The following PLCE1 variants were observed in gnomAD, a reference collection of about 807,000 sequenced individuals.
PLCE1 encodes the protein 1-phosphatidylinositol 4,5-bisphosphate phosphodiesterase epsilon-1.
A neutral mutation model predicts 242.8 loss-of-function variants in PLCE1; 119 were observed. The observed-to-expected ratio is 0.49, with a 90% CI of 0.42 to 0.57. The LOEUF is 0.57. Ranked by LOEUF, PLCE1 falls within the 20% of genes least tolerant of loss-of-function variation. The probability of loss-of-function intolerance (pLI) is 0.00; values close to 1 mark genes in which losing one functional copy is unlikely to be tolerated. For missense variants in PLCE1, 2,441 were observed against 2,788.8 expected (o/e 0.88, Z 2.81); for synonymous variants, 945 against 1,017.4 (o/e 0.93, Z 1.35).
chr10:94,283,868 A>G lies in PLCE1; in HGVS notation c.4874A>G (p.Lys1625Arg). ...TTTGAATATAATGAAGAAATCCCAA[A>G]GAGGATAAAGAAAGCAGATAACTCT... ...LQFEYNEEIP[K>R]RIKKADNSAC... The change falls in exon 21 of 33, where the codon AAG becomes AGG. Residue 1625 changes from lysine (K) to arginine (R), a missense_variant. Lys to Arg is a conservative substitution (Grantham distance 26). This residue lies in a region of PLCE1 where 1,004 missense variants were observed against 1,322.7 expected (regional missense o/e 0.76). Coordinates refer to ENST00000371380, the MANE Select transcript of PLCE1 (RefSeq NM_016341.4). 6.2e-7 allele frequency: 1 copy of G among 1,612,296 alleles called. No individual in the cohort carries two copies. The highest frequency in any genetic ancestry group is 8.5e-7 in the Non-Finnish European group (1 of 1,178,736).
At chr10:94,288,176 C>T (rs1300577281) in intron 22 of PLCE1, among the ~76,000 whole-genome samples, 1 of 152,170 alleles carries the variant, frequency 6.6e-6, no homozygotes, top group Non-Finnish European at 1.5e-5. Flanking sequence ...GCGCACCTGT[C>T]ACCCAAGTCG....
At chr10:94,305,832 G>C (rs1222864115) in intron 25 of PLCE1, among the ~76,000 whole-genome samples, 1 of 152,004 alleles carries the variant, frequency 6.6e-6, no homozygotes, top group Non-Finnish European at 1.5e-5. Context: ...GTCTTCTCTT[G>C]TGAGAAATTT....
chr10:94,262,118 A>G (rs905146264), intron 13 of PLCE1, among the ~76,000 whole-genome samples: 1 of 150,596 alleles, frequency 6.6e-6, no homozygotes, highest in Admixed American at 6.7e-5. Flanking sequence ...CTTATGCCTC[A>G]GCCTCCCGAG....
At chr10:94,220,379 T>TATTC (rs1189246170) in intron 4 of PLCE1, among the ~76,000 whole-genome samples, 8 of 30,962 alleles carry the variant, frequency 2.6e-4, no homozygotes, top group African/African-American at 8.3e-4. Context: ...AAACATTTTA[T>TATTC]ATATATATAT....
intron 3 of PLCE1, among the ~76,000 whole-genome samples, chr10:94,160,126 A>G (rs1424798146): frequency 6.6e-6 from 1 of 152,236 alleles, no homozygotes; most frequent in Non-Finnish European, 1.5e-5. Context: ...TCCTCTGGGT[A>G]TATACCCAGG....
At chr10:93,995,477 T>C (rs887936783) in intron 1 of PLCE1, among the ~76,000 whole-genome samples, 2 of 152,332 alleles carry the variant, frequency 1.3e-5, no homozygotes, top group African/African-American at 4.8e-5. Context: ...GAGTTATTTA[T>C]GTAGATGTCT....
intron 27 of PLCE1, among the ~76,000 whole-genome samples, chr10:94,309,607 G>T (rs1156861503): frequency 2.6e-5 from 4 of 152,066 alleles, no homozygotes; most frequent in Non-Finnish European, 5.9e-5. Flanking sequence ...CCAAGGTGCT[G>T]GGATTACAGG....
At chr10:94,275,919 C>T (rs2051936918) in intron 19 of PLCE1, among the ~76,000 whole-genome samples, 1 of 152,136 alleles carries the variant, frequency 6.6e-6, no homozygotes, top group Admixed American at 6.6e-5. Flanking sequence ...TTCATATAGA[C>T]TGTTCTTATG....
chr10:94,254,297 A>T lies in PLCE1; in HGVS notation c.3387A>T (p.Gln1129His). ...CTGATCCTCAAGACATTAATGAACAAGAAGAATCAGGTAAAGCGGCATGTT... is the reference window on the plus strand; with the variant it reads ...CTGATCCTCAAGACATTAATGAACATGAAGAATCAGGTAAAGCGGCATGTT... ...SGSDPQDINE[Q>H]EESEVNAIAN... Residue 1129 changes from glutamine to histidine, a missense_variant, in exon 10 of 33, where the codon CAA becomes CAT. Transcript: ENST00000371380. 4 of 1,607,430 alleles carry T rather than the reference A, an allele frequency of 2.5e-6. No homozygotes were observed. The highest frequency in any genetic ancestry group is 3.4e-6 in the Non-Finnish European group (4 of 1,173,904).
intron 2 of PLCE1, among the ~76,000 whole-genome samples, chr10:94,077,074 CT>C (rs2044526090): frequency 6.6e-6 from 1 of 152,172 alleles, no homozygotes; most frequent in Non-Finnish European, 1.5e-5. Flanking sequence ...AATTATATAT[CT>C]CATCGAAATA....
intron 2 of PLCE1, among the ~76,000 whole-genome samples, chr10:94,119,338 A>T (rs1035385488): frequency 4.6e-5 from 7 of 152,172 alleles, no homozygotes; most frequent in Admixed American, 6.5e-5. Flanking sequence ...GTCCTCAGGC[A>T]TATGAGATAT....
chr10:94,157,012 G>C lies in PLCE1; in HGVS notation c.1493-14168G>C, dbSNP rs560504044. On this transcript the variant is annotated intron_variant, in intron 3 of 32. Transcript: ENST00000371380. ...AACAGCCTTTTTTTGGTGTTTTTTG[G>C]GGGGCGAGGTCTTTTTTAAATTGGG... 2.2e-3 allele frequency among the ~76,000 whole-genome samples: 339 copies of C among 152,122 alleles called. 2 individuals carry two copies. The highest frequency in any genetic ancestry group is 0.014 in the Middle Eastern group (4 of 294).
In PLCE1 at chr10:94,265,865, A is replaced by AC. The variant is rs750815297; in HGVS notation, c.4192dup (p.Leu1398ProfsTer70). 4.3e-6 allele frequency: 7 copies of AC among 1,613,894 alleles called. No homozygotes were observed. The Admixed American group carries it at 1.2e-4, about 27-fold the overall frequency. ...AGGAGAACATTAAAGAACTGCAGCT[A>AC]CCCCTCTCATACTATTACATCGAAT... On this transcript the variant is annotated frameshift_variant, in exon 16 of 33. Transcript: ENST00000371380. LOFTEE classifies it high-confidence loss of function.
At chr10:94,314,877 AG>A (rs879282081) in intron 28 of PLCE1, 1 of 152,492 alleles carries the variant, frequency 6.6e-6, no homozygotes, top group Admixed American at 6.5e-5. Context: ...CACATTTCAT[AG>A]ATTATCAAAC....
At chr10:94,185,122 C>G (rs1407021936) in intron 4 of PLCE1, among the ~76,000 whole-genome samples, 1 of 152,156 alleles carries the variant, frequency 6.6e-6, no homozygotes, top group East Asian at 1.9e-4. Flanking sequence ...AAAGCAATGC[C>G]AGGCATGAAC....
chr10:94,324,978 T>TA lies in PLCE1; in HGVS notation c.6808dup (p.Thr2270AsnfsTer27). On this transcript the variant is annotated frameshift_variant, in exon 32 of 33. Coordinates refer to ENST00000371380, the MANE Select transcript of PLCE1 (RefSeq NM_016341.4). LOFTEE classifies it high-confidence loss of function. ...AGTCAACTAAACAGCCCCGAGGACT[T>TA]ACATCACCTTCTCAGCTCTTGACCT... The TA allele has an allele frequency of 6.2e-7, 1 of 1,614,146 alleles. No individual in the cohort carries two copies. Among genetic ancestry groups the TA allele is most frequent in the Non-Finnish European group, 8.5e-7 (1 of 1,179,998 alleles).
intron 7 of PLCE1, among the ~76,000 whole-genome samples, chr10:94,244,520 A>G (rs1312525681): frequency 1.3e-5 from 2 of 152,210 alleles, no homozygotes; most frequent in African/African-American, 4.8e-5. Flanking sequence ...TCTTGGCTCA[A>G]ATAATCCAGG....
At chr10:94,305,444 AAAC>A (rs1416562708) in intron 25 of PLCE1, among the ~76,000 whole-genome samples, 8 of 152,302 alleles carry the variant, frequency 5.3e-5, no homozygotes, top group South Asian at 4.1e-4. Context: ...CAACAAAACA[AAAC>A]AACAACAGAG....
At position 94,330,130 on chromosome 10, in the gene PLCE1, G is replaced by A. The variant is rs1264599996; in HGVS notation, c.*2187G>A. The A allele has an allele frequency of 4.0e-5, 6 of 151,116 alleles. No homozygotes were observed. Among genetic ancestry groups the A allele is most frequent in the East Asian group, 1.9e-4 (1 of 5,154 alleles). The allele number at this position is 151,116 out of a possible 1,614,324, so 9.4% of individuals were successfully genotyped here. ...GCAGAGTAACAAGATGAAAAGACTC[G>A]TCTCTTTAGGTTTATCACATTTGAT... On this transcript the variant is annotated 3_prime_UTR_variant, in exon 33 of 33. Coordinates refer to ENST00000371380, the MANE Select transcript of PLCE1 (RefSeq NM_016341.4).
Sources: gnomAD v4.1 joint callset for allele counts (sites outside exome capture counted in the v4.1 genomes callset) on GRCh38, gnomAD v4.1.1 for gene constraint, gnomAD v4.1.1 regional missense constraint, MANE v1.5 for transcripts, NCBI Gene and HGNC (gene_info 2026-07-23, HGNC 2026-07-21) for gene names.